PCDH9: variants seen among roughly 807,000 people sequenced by gnomAD.
PCDH9 encodes the protein protocadherin 9.
Under a neutral mutation model 70.6 loss-of-function variants are expected in PCDH9, and 24 were observed. The observed-to-expected ratio is 0.34, with a 90% CI of 0.25 to 0.48. PCDH9 has a LOEUF of 0.48. Ranked by LOEUF, PCDH9 falls within the 20% of genes least tolerant of loss-of-function variation. The probability of loss-of-function intolerance (pLI) is 0.99; values close to 1 mark genes in which losing one functional copy is unlikely to be tolerated. For synonymous variants in PCDH9, 562 were observed against 558.5 expected, an observed-to-expected ratio of 1.01 and a Z score of -0.09; for missense variants, 1,281 against 1,503.6, an observed-to-expected ratio of 0.85 and a Z score of 2.45.
chr13:66,718,602 G>A (rs753964762), intron 3 of PCDH9, among the ~76,000 whole-genome samples: 5 of 152,118 alleles, frequency 3.3e-5, no homozygotes, highest in Non-Finnish European at 5.9e-5. Flanking sequence ...AAAATAAAAG[G>A]CATAAAAGCT....
At chr13:67,085,730 C>T (rs1401538372) in intron 2 of PCDH9, among the ~76,000 whole-genome samples, 3 of 152,158 alleles carry the variant, frequency 2.0e-5, no homozygotes, top group Admixed American at 2.0e-4. Flanking sequence ...TTCCAACAAA[C>T]AATTTCATCC....
intron 3 of PCDH9, among the ~76,000 whole-genome samples, chr13:66,738,862 T>G (rs1457229827): frequency 5.3e-5 from 8 of 150,718 alleles, no homozygotes; most frequent in Non-Finnish European, 1.2e-4. Context: ...AATCTACGTC[T>G]GATTGGTGTA....
At chr13:66,968,990 T>C (rs1198055270) in intron 2 of PCDH9, among the ~76,000 whole-genome samples, 2 of 152,072 alleles carry the variant, frequency 1.3e-5, no homozygotes, top group Admixed American at 6.6e-5. Flanking sequence ...TAAGTATCAC[T>C]GGAACCCTTT....
intron 2 of PCDH9, among the ~76,000 whole-genome samples, chr13:67,093,818 C>G (rs568098175): frequency 6.6e-6 from 1 of 152,210 alleles, no homozygotes; most frequent in African/African-American, 2.4e-5. Context: ...GGTCTATGAA[C>G]TAATCCAAGT....
intron 4 of PCDH9, among the ~76,000 whole-genome samples, chr13:66,561,181 G>A (rs540765188): frequency 7.7e-4 from 117 of 152,354 alleles, no homozygotes; most frequent in Middle Eastern, 6.8e-3. Context: ...CCCCGCCACC[G>A]GGGCAGTGAG....
chr13:66,331,861 T>C (rs1955948495), intron 4 of PCDH9, among the ~76,000 whole-genome samples: 1 of 152,172 alleles, frequency 6.6e-6, no homozygotes, highest in Non-Finnish European at 1.5e-5. Context: ...ATTTAACTTC[T>C]ATGTTTATTT....
intron 3 of PCDH9, among the ~76,000 whole-genome samples, chr13:66,818,089 T>C (rs1344461279): frequency 6.6e-6 from 1 of 152,234 alleles, no homozygotes; most frequent in Non-Finnish European, 1.5e-5. Context: ...TTTAATTGGC[T>C]TTCTTCATTA....
intron 3 of PCDH9, among the ~76,000 whole-genome samples, chr13:66,672,511 G>C (rs1025120226): frequency 6.6e-6 from 1 of 152,222 alleles, no homozygotes; most frequent in African/African-American, 2.4e-5. Flanking sequence ...CCCATACAGA[G>C]TCCCCACTGG....
At chr13:67,104,284 A>C (rs986463696) in intron 2 of PCDH9, among the ~76,000 whole-genome samples, 1 of 152,188 alleles carries the variant, frequency 6.6e-6, no homozygotes, top group African/African-American at 2.4e-5. Flanking sequence ...GGAAACTCAA[A>C]TATTTCAGAA....
Position 66,756,769 on chromosome 13 carries a change from C to T in PCDH9, c.3139-125358G>A, listed in dbSNP as rs145270761. On this transcript the variant is annotated intron_variant, in intron 3 of 4. Transcript: ENST00000377865. Reference sequence around the variant, plus strand: ...ATGGAATTGTAGCTGGGGATTGCTGCTCATCTAAGGACAATATTTTTCAGC... The same window carrying T: ...ATGGAATTGTAGCTGGGGATTGCTGTTCATCTAAGGACAATATTTTTCAGC... Among the ~76,000 whole-genome samples, 79 of 152,212 alleles carry T rather than the reference C, an allele frequency of 5.2e-4. 1 individual carries two copies. In the East Asian group the frequency reaches 0.014, roughly 26 times the overall value.
chr13:67,149,996 A>G (rs1433816089), intron 2 of PCDH9, among the ~76,000 whole-genome samples: 1 of 152,186 alleles, frequency 6.6e-6, no homozygotes, highest in Non-Finnish European at 1.5e-5. Flanking sequence ...GTAGGCAAGA[A>G]TATTTGCAGT....
chr13:66,332,611 G>A (rs1475010225), intron 4 of PCDH9, among the ~76,000 whole-genome samples: 1 of 151,936 alleles, frequency 6.6e-6, no homozygotes, highest in Admixed American at 6.6e-5. Context: ...GCTATGACAG[G>A]GAGATACTCA....
intron 2 of PCDH9, among the ~76,000 whole-genome samples, chr13:67,127,937 A>G (rs897606885): frequency 1.3e-5 from 2 of 152,044 alleles, no homozygotes. Flanking sequence ...TTCCAGATGT[A>G]CTAGATGTTT....
At chr13:66,783,433 CA>C (rs1566191842) in intron 3 of PCDH9, among the ~76,000 whole-genome samples, 1 of 152,016 alleles carries the variant, frequency 6.6e-6, no homozygotes, top group Non-Finnish European at 1.5e-5. Context: ...TACTTTAACC[CA>C]AAGTATAAGC....
chr13:66,386,526 TA>T (rs757860717), intron 4 of PCDH9, among the ~76,000 whole-genome samples: 6 of 152,188 alleles, frequency 3.9e-5, no homozygotes, highest in Non-Finnish European at 8.8e-5. Flanking sequence ...ATGATTTATT[TA>T]CTTATTTCAC....
chr13:66,545,973 C>A (rs1961177023), intron 4 of PCDH9, among the ~76,000 whole-genome samples: 1 of 151,556 alleles, frequency 6.6e-6, no homozygotes. Context: ...GTAGCTGGGA[C>A]TACAGGCACC....
intron 2 of PCDH9, among the ~76,000 whole-genome samples, chr13:67,151,193 T>TAA (rs75823309): frequency 3.9e-5 from 6 of 152,046 alleles, no homozygotes; most frequent in African/African-American, 1.2e-4. Context: ...GCTCCTTTTT[T>TAA]AAAAAAAAAT....
At chr13:67,126,434 A>C (rs1391687201) in intron 2 of PCDH9, among the ~76,000 whole-genome samples, 1 of 152,212 alleles carries the variant, frequency 6.6e-6, no homozygotes, top group East Asian at 1.9e-4. Flanking sequence ...ATACTTCACG[A>C]AGGTCTGTTT....
chr13:66,588,219 C>A (rs1193394883), intron 4 of PCDH9, among the ~76,000 whole-genome samples: 2 of 151,938 alleles, frequency 1.3e-5, no homozygotes, highest in Non-Finnish European at 2.9e-5. Context: ...GAGATACCCC[C>A]TGATGGTGCT....
Sources: gnomAD v4.1 joint callset for allele counts (sites outside exome capture counted in the v4.1 genomes callset) on GRCh38, gnomAD v4.1.1 for gene constraint, MANE v1.5 for transcripts, NCBI Gene and HGNC (gene_info 2026-07-23, HGNC 2026-07-21) for gene names.